Variants in ASIC2 observed in about 807,000 individuals in gnomAD.
ASIC2 encodes the protein acid sensing ion channel subunit 2.
In ASIC2, 25 loss-of-function variants were observed where a neutral mutation model predicts 57.3. The observed-to-expected ratio is 0.44, with a 90% CI of 0.32 to 0.61. ASIC2 has a LOEUF of 0.61. ASIC2 is among the 20% of genes least tolerant of loss of function. The pLI is 0.06. For missense variants in ASIC2, 641 were observed against 738.1 expected (o/e 0.87, Z 1.52); for synonymous variants, 319 against 307.5 (o/e 1.04, Z -0.39).
chr17:33,986,632 C>T (rs1053624972), intron 1 of ASIC2, among the ~76,000 whole-genome samples: 9 of 152,118 alleles, frequency 5.9e-5, no homozygotes, highest in Admixed American at 5.9e-4. Flanking sequence ...ACTTCCTGCT[C>T]TCCTGCAAAG....
At chr17:33,879,585 G>C (rs1261771530) in intron 1 of ASIC2, among the ~76,000 whole-genome samples, 1 of 152,102 alleles carries the variant, frequency 6.6e-6, no homozygotes, top group East Asian at 1.9e-4. Context: ...CCCAATACAG[G>C]AGCACCCAGA....
At chr17:33,962,620 T>C (rs1904960783) in intron 1 of ASIC2, among the ~76,000 whole-genome samples, 1 of 152,146 alleles carries the variant, frequency 6.6e-6, no homozygotes, top group Admixed American at 6.5e-5. Flanking sequence ...TGGGGGCTAC[T>C]GAGTCAGAAT....
chr17:33,922,096 G>A (rs1355129581), intron 1 of ASIC2, among the ~76,000 whole-genome samples: 1 of 152,170 alleles, frequency 6.6e-6, no homozygotes, highest in Non-Finnish European at 1.5e-5. Context: ...ACCAAGTCGG[G>A]CAGGAATTTG....
At chr17:33,206,084 A>G (rs998554126) in intron 1 of ASIC2, among the ~76,000 whole-genome samples, 2 of 152,230 alleles carry the variant, frequency 1.3e-5, no homozygotes, top group Non-Finnish European at 2.9e-5. Flanking sequence ...ATAAAAATGC[A>G]GGATGGCCAC....
intron 1 of ASIC2, among the ~76,000 whole-genome samples, chr17:33,779,706 T>C (rs555849120): frequency 6.6e-6 from 1 of 152,264 alleles, no homozygotes; most frequent in Non-Finnish European, 1.5e-5. Flanking sequence ...AAAGGGGTTT[T>C]AGTGGGATAA....
At chr17:33,917,315 C>T (rs533263531) in intron 1 of ASIC2, among the ~76,000 whole-genome samples, 6 of 152,232 alleles carry the variant, frequency 3.9e-5, no homozygotes, top group South Asian at 2.1e-4. Context: ...ATCTCCCCAG[C>T]GCCATCTTCC....
chr17:33,372,421 G>A (rs1909105723), intron 1 of ASIC2, among the ~76,000 whole-genome samples: 1 of 152,114 alleles, frequency 6.6e-6, no homozygotes, highest in Non-Finnish European at 1.5e-5. Flanking sequence ...ACCCCCTGGG[G>A]CCCGGGGGAA....
intron 1 of ASIC2, among the ~76,000 whole-genome samples, chr17:33,191,020 A>G (rs1412619703): frequency 2.0e-5 from 3 of 152,240 alleles, no homozygotes; most frequent in Non-Finnish European, 4.4e-5. Context: ...AAAGGCTTGT[A>G]CATGGATGTT....
intron 1 of ASIC2, among the ~76,000 whole-genome samples, chr17:34,011,507 A>G (rs1906758478): frequency 6.6e-6 from 1 of 151,862 alleles, no homozygotes; most frequent in Admixed American, 6.6e-5. Context: ...TCAACAACCC[A>G]CAATGTGTTT....
chr17:34,013,328 A>G (rs1405496297), intron 1 of ASIC2, among the ~76,000 whole-genome samples: 1 of 152,118 alleles, frequency 6.6e-6, no homozygotes, highest in Non-Finnish European at 1.5e-5. Flanking sequence ...CAGACTGTAG[A>G]ACTAGAATGC....
At chr17:33,456,997 G>A (rs916048751) in intron 1 of ASIC2, among the ~76,000 whole-genome samples, 1 of 152,070 alleles carries the variant, frequency 6.6e-6, no homozygotes. Flanking sequence ...TTCAATCCTG[G>A]GCTCCCTGCA....
chr17:33,519,330 G>A (rs73983936), intron 1 of ASIC2, among the ~76,000 whole-genome samples: 17,534 of 152,194 alleles, frequency 0.12, 1,047 homozygotes, highest in Non-Finnish European at 0.13. Flanking sequence ...AAGCCGCCCA[G>A]CTTGTTACCC....
intron 1 of ASIC2, among the ~76,000 whole-genome samples, chr17:33,663,349 A>G (rs1277247287): frequency 6.6e-6 from 1 of 152,162 alleles, no homozygotes; most frequent in East Asian, 1.9e-4. Flanking sequence ...GTAGTTTCTC[A>G]GTATGAGCTT....
chr17:33,897,810 A>G (rs1206920417), intron 1 of ASIC2, among the ~76,000 whole-genome samples: 2 of 152,218 alleles, frequency 1.3e-5, no homozygotes, highest in Non-Finnish European at 2.9e-5. Flanking sequence ...ACTCTGGGAA[A>G]GGGGCCTGTT....
intron 1 of ASIC2, among the ~76,000 whole-genome samples, chr17:33,907,383 C>T (rs1915371499): frequency 6.6e-6 from 1 of 152,206 alleles, no homozygotes; most frequent in Non-Finnish European, 1.5e-5. Context: ...TTGGAGAAGG[C>T]AAATGCTGGC....
At chr17:33,352,858 T>G (rs1908238675) in intron 1 of ASIC2, among the ~76,000 whole-genome samples, 1 of 152,136 alleles carries the variant, frequency 6.6e-6, no homozygotes, top group African/African-American at 2.4e-5. Flanking sequence ...TGGCCTTCTC[T>G]CATGCCCCTT....
chr17:33,565,170 G>T (rs900792804), intron 1 of ASIC2, among the ~76,000 whole-genome samples: 2 of 152,054 alleles, frequency 1.3e-5, no homozygotes, highest in Admixed American at 1.3e-4. Context: ...TCCCTGGCTT[G>T]CCCTTCCCTC....
intron 1 of ASIC2, among the ~76,000 whole-genome samples, chr17:33,452,292 C>T (rs1282764831): frequency 6.6e-6 from 1 of 152,234 alleles, no homozygotes; most frequent in East Asian, 1.9e-4. Context: ...CTCTTTGAAC[C>T]TCAGTTTCCA....
intron 1 of ASIC2, among the ~76,000 whole-genome samples, chr17:33,762,226 G>T (rs1450986798): frequency 6.6e-6 from 1 of 152,078 alleles, no homozygotes; most frequent in Non-Finnish European, 1.5e-5. Context: ...ATTTATGGAG[G>T]GGGGCAACCA....
Sources: gnomAD v4.1 joint callset for allele counts (sites outside exome capture counted in the v4.1 genomes callset) on GRCh38, gnomAD v4.1.1 for gene constraint, MANE v1.5 for transcripts, NCBI Gene and HGNC (gene_info 2026-07-23, HGNC 2026-07-21) for gene names.